The following XYLT1 variants were observed in gnomAD, a reference collection of about 807,000 sequenced individuals.
XYLT1 encodes xylosyltransferase 1.
A neutral mutation model predicts 91.3 loss-of-function variants in XYLT1; 36 were observed. The observed-to-expected ratio is 0.39, with a 90% CI of 0.30 to 0.52. The LOEUF is 0.52. Among genes scored for constraint, XYLT1 ranks in the 20% least tolerant of loss-of-function variants. XYLT1 has a pLI of 0.68. For synonymous variants in XYLT1, 588 were observed against 532.0 expected (o/e 1.11, Z -1.45); for missense variants, 1,242 against 1,284.5 (o/e 0.97, Z 0.51).
intron 2 of XYLT1, among the ~76,000 whole-genome samples, chr16:17,271,536 T>C (rs916104072): frequency 6.6e-6 from 1 of 152,222 alleles, no homozygotes; most frequent in Non-Finnish European, 1.5e-5. Flanking sequence ...GCCTTCTGCG[T>C]ACCTCTCAGG....
intron 2 of XYLT1, among the ~76,000 whole-genome samples, chr16:17,291,745 A>G (rs1447154764): frequency 3.9e-5 from 6 of 152,232 alleles, no homozygotes. Context: ...TTATCGCAAT[A>G]GCTATTTATT....
intron 8 of XYLT1, among the ~76,000 whole-genome samples, chr16:17,136,929 G>A (rs1567290099): frequency 6.6e-6 from 1 of 152,144 alleles, no homozygotes; most frequent in Non-Finnish European, 1.5e-5. Context: ...TGTGCTCTAA[G>A]TGATGAAGAT....
intron 2 of XYLT1, among the ~76,000 whole-genome samples, chr16:17,266,095 A>G (rs1462207696): frequency 1.3e-5 from 2 of 152,224 alleles, no homozygotes; most frequent in Non-Finnish European, 2.9e-5. Flanking sequence ...TGGAAGCTTC[A>G]AAGCGCATCC....
chr16:17,427,195 C>T lies in XYLT1; in HGVS notation c.363+43239G>A, dbSNP rs574102439. Among the ~76,000 whole-genome samples the T allele has an allele frequency of 8.5e-5, 13 of 152,342 alleles. No homozygotes were observed. In the East Asian group the frequency reaches 9.6e-4, roughly 11 times the overall value. Reference sequence around the variant, plus strand: ...AATCGTGTCCACGGAAGAGAAGGGACGATAGCACCACCATCATGAATGAGG... The same window carrying T: ...AATCGTGTCCACGGAAGAGAAGGGATGATAGCACCACCATCATGAATGAGG... On this transcript the variant is annotated intron_variant, in intron 1 of 11. Transcript: ENST00000261381.
At position 17,108,678 on chromosome 16, in the gene XYLT1, A is replaced by T. The variant is rs538885348; in HGVS notation, c.*17T>A. The T allele has an allele frequency of 8.2e-5, 126 of 1,540,986 alleles. 1 individual carries two copies. The South Asian group carries it at 1.5e-3, about 18-fold the overall frequency. ...TCCCGTTGAGATCCTGCTGTGGCCCACTCCTCGTGCCCAGTGCTACCTGAG... is the reference window on the plus strand; with the variant it reads ...TCCCGTTGAGATCCTGCTGTGGCCCTCTCCTCGTGCCCAGTGCTACCTGAG... On this transcript the variant is annotated 3_prime_UTR_variant, in exon 12 of 12. Transcript: ENST00000261381.
In XYLT1 at chr16:17,148,742, T is replaced by G. The variant is rs145347482; in HGVS notation, c.1371-7373A>C. Among the ~76,000 whole-genome samples, 861 of 152,326 alleles carry G rather than the reference T, an allele frequency of 5.7e-3. 9 individuals are homozygous for G. The highest frequency in any genetic ancestry group is 0.019 in the African/African-American group (803 of 41,570). On this transcript the variant is annotated intron_variant, in intron 6 of 11. Coordinates refer to ENST00000261381, the MANE Select transcript of XYLT1 (RefSeq NM_022166.4). ...CAAGCTCTTAACTACTCTGCCATCT[T>G]TGATGCCCTGATTCACCATAGTCCC...
chr16:17,197,008 C>A, intron 5 of XYLT1, among the ~76,000 whole-genome samples: 1 of 100,460 alleles, frequency 1.0e-5, no homozygotes, highest in Admixed American at 1.0e-4. Context: ...GAGACTCTGT[C>A]TCCAAAATAT....
Position 17,108,656 on chromosome 16 carries a change from C to A in XYLT1, c.*39G>T. On this transcript the variant is annotated 3_prime_UTR_variant, in exon 12 of 12. Coordinates refer to ENST00000261381, the MANE Select transcript of XYLT1 (RefSeq NM_022166.4). ...CCCACAACCCCTCTGGCTGCTTTCC[C>A]GTTGAGATCCTGCTGTGGCCCACTC... The A allele has an allele frequency of 6.6e-7, 1 of 1,513,816 alleles. No homozygotes were observed. Among genetic ancestry groups the A allele is most frequent in the African/African-American group, 1.4e-5 (1 of 73,234 alleles). The allele number at this position is 1,513,816 out of a possible 1,614,324, so 93.8% of individuals were successfully genotyped here. A position where few individuals can be genotyped will look rare whatever the true frequency, so the allele number is the denominator to read the frequency against.
At chr16:17,384,010 A>C (rs145149925) in intron 1 of XYLT1, among the ~76,000 whole-genome samples, 2,489 of 151,844 alleles carry the variant, frequency 0.016, 30 homozygotes, top group Middle Eastern at 0.031. Context: ...CACCTCCCAA[A>C]GTGCTGGGAT....
In XYLT1 at chr16:17,237,041, T is replaced by C. The variant is rs368674122; in HGVS notation, c.913+21947A>G. ...GAAGAGAGGCTTGATTTAGGTATAATTGGCATTTAGGTGGCTGTTCAACGC... is the reference window on the plus strand; with the variant it reads ...GAAGAGAGGCTTGATTTAGGTATAACTGGCATTTAGGTGGCTGTTCAACGC... On this transcript the variant is annotated intron_variant, in intron 3 of 11. Transcript: ENST00000261381. 6.6e-5 allele frequency among the ~76,000 whole-genome samples: 10 copies of C among 152,198 alleles called. No homozygotes were observed. The East Asian group carries it at 1.5e-3, about 23-fold the overall frequency.
At chr16:17,133,809 TTAGTGG>T (rs1482387683) in intron 9 of XYLT1, among the ~76,000 whole-genome samples, 2 of 152,184 alleles carry the variant, frequency 1.3e-5, no homozygotes, top group African/African-American at 4.8e-5. Flanking sequence ...GTGTTGGCAG[TTAGTGG>T]TAGATGAGAC....
chr16:17,238,276 G>C (rs2033279488), intron 3 of XYLT1, among the ~76,000 whole-genome samples: 1 of 152,220 alleles, frequency 6.6e-6, no homozygotes, highest in Non-Finnish European at 1.5e-5. Context: ...TTTTGTCTTA[G>C]AACAGGAGTC....
chr16:17,467,609 G>T (rs1001733566), intron 1 of XYLT1, among the ~76,000 whole-genome samples: 1 of 152,272 alleles, frequency 6.6e-6, no homozygotes, highest in African/African-American at 2.4e-5. Context: ...CTTGAGAAAC[G>T]GGGTGTTTCC....
At chr16:17,319,014 C>CT (rs2034677873) in intron 2 of XYLT1, among the ~76,000 whole-genome samples, 2 of 152,122 alleles carry the variant, frequency 1.3e-5, no homozygotes. Flanking sequence ...TCTCAAACTC[C>CT]TAACCTCAGG....
At chr16:17,337,952 T>C (rs1241673793) in intron 2 of XYLT1, among the ~76,000 whole-genome samples, 3 of 152,026 alleles carry the variant, frequency 2.0e-5, no homozygotes, top group African/African-American at 7.2e-5. Context: ...AATTTTTGTA[T>C]TTTTAGTAGA....
chr16:17,380,847 G>A (rs2035671169), intron 1 of XYLT1, among the ~76,000 whole-genome samples: 1 of 152,202 alleles, frequency 6.6e-6, no homozygotes, highest in Non-Finnish European at 1.5e-5. Flanking sequence ...GACACATTCC[G>A]TGACAGGGAC....
At chr16:17,145,304 G>A (rs1042236605) in intron 6 of XYLT1, among the ~76,000 whole-genome samples, 24 of 152,164 alleles carry the variant, frequency 1.6e-4, no homozygotes, top group African/African-American at 5.6e-4. Context: ...ACTTGGGTCT[G>A]TATCCTCACC....
intron 1 of XYLT1, among the ~76,000 whole-genome samples, chr16:17,400,236 G>C (rs1474023821): frequency 3.9e-5 from 6 of 152,142 alleles, no homozygotes; most frequent in Admixed American, 2.6e-4. Context: ...CTGGCACTAT[G>C]CTAGATTCTA....
intron 10 of XYLT1, among the ~76,000 whole-genome samples, chr16:17,120,096 A>T (rs1352775042): frequency 6.6e-6 from 1 of 151,962 alleles, no homozygotes; most frequent in African/African-American, 2.4e-5. Flanking sequence ...TTTTTCTACT[A>T]CCCTGTGGAT....
Sources: allele counts gnomAD v4.1 joint callset (sites outside exome capture counted in the v4.1 genomes callset), GRCh38; gene constraint gnomAD v4.1.1; transcripts MANE v1.5; gene names NCBI Gene and HGNC (gene_info 2026-07-23, HGNC 2026-07-21).